The following APOO variants were observed in gnomAD, a reference collection of about 807,000 sequenced individuals.
The protein encoded by APOO is MICOS complex subunit MIC26.
In APOO, 11 loss-of-function variants were observed where a neutral mutation model predicts 23.1. The ratio of observed to expected loss-of-function variants is 0.48; its 90% CI spans 0.30 to 0.79. The LOEUF (loss-of-function observed/expected upper bound fraction) is 0.79. Ranked by LOEUF, APOO falls within the 30% of genes least tolerant of loss-of-function variation. The probability of loss-of-function intolerance (pLI) is 0.07; values close to 1 mark genes in which losing one functional copy is unlikely to be tolerated. For synonymous variants in APOO, 59 were observed against 54.8 expected (o/e 1.08, Z -0.34); for missense variants, 160 against 142.7 (o/e 1.12, Z -0.62).
Position 23,895,273 on chromosome X carries a change from T to C in APOO, c.9+12421A>G, listed in dbSNP as rs183100287. 6.8e-4 allele frequency among the ~76,000 whole-genome samples: 76 copies of C among 112,092 alleles called. No homozygotes were observed. The East Asian group carries it at 0.018, about 26-fold the overall frequency. Reference sequence around the variant, plus strand: ...AAGCAACCCAAATGCCCATCAGTGATAGACTGGATAAAGAAAATGTGGCAC... The same window carrying C: ...AAGCAACCCAAATGCCCATCAGTGACAGACTGGATAAAGAAAATGTGGCAC... On this transcript the variant is annotated intron_variant, in intron 1 of 8. Transcript: ENST00000379226.
At chrX:23,893,004 C>T (rs1926735944) in intron 1 of APOO, among the ~76,000 whole-genome samples, 1 of 106,445 alleles carries the variant, frequency 9.4e-6, no homozygotes, top group Non-Finnish European at 1.9e-5. Flanking sequence ...GTAACCAACA[C>T]AAAAAAAAGA....
chrX:23,837,459 G>C (rs1923748142), intron 8 of APOO: 1 of 423,733 alleles, frequency 2.4e-6, no homozygotes, highest in African/African-American at 2.5e-5. Context: ...AGGAGTTGAA[G>C]TCCAGCCTGG....
rs1601874509 is a variant in APOO at position 23,836,158 on chromosome X, T to G, written c.*30-2546A>C. 2.7e-5 allele frequency among the ~76,000 whole-genome samples: 3 copies of G among 112,037 alleles called. No homozygotes were observed. In the Middle Eastern group the frequency reaches 0.014, roughly 519 times the overall value. On this transcript the variant is annotated intron_variant, in intron 8 of 8. Coordinates refer to ENST00000379226, the MANE Select transcript of APOO (RefSeq NM_024122.5). The stretch of plus-strand genomic sequence containing the variant: ...ATTTCTTTCTTTCTTTGAGACGGAG[T>G]CTCTCTCTGTTGCCCAGGCTGGGAG...
intron 1 of APOO, among the ~76,000 whole-genome samples, chrX:23,892,337 C>G (rs909732660): frequency 3.5e-5 from 3 of 85,575 alleles, no homozygotes; most frequent in Non-Finnish European, 7.1e-5. Flanking sequence ...CTGCAACCTC[C>G]GCCGTCTCTC....
intron 6 of APOO, among the ~76,000 whole-genome samples, chrX:23,856,813 C>G (rs1005463673): frequency 8.8e-6 from 1 of 113,016 alleles, no homozygotes; most frequent in African/African-American, 3.2e-5. Flanking sequence ...CTCGGCCTTC[C>G]AAAGTGCTGG....
At chrX:23,837,958 CCTATCTAT>C (rs76055034) in intron 8 of APOO, among the ~76,000 whole-genome samples, 1,764 of 94,946 alleles carry the variant, frequency 0.019, 29 homozygotes, top group East Asian at 0.065. Context: ...CTGCACCCGG[CCTATCTAT>C]CTATCTATCT....
At chrX:23,842,210 G>A (rs924913437) in intron 7 of APOO, among the ~76,000 whole-genome samples, 9 of 111,217 alleles carry the variant, frequency 8.1e-5, no homozygotes, top group Non-Finnish European at 1.5e-4. Flanking sequence ...GCAACATGCT[G>A]AAATCCTGTC....
chrX:23,862,245 A>G (rs187243594), intron 5 of APOO, among the ~76,000 whole-genome samples: 26 of 111,474 alleles, frequency 2.3e-4, no homozygotes, highest in Admixed American at 2.0e-3. Flanking sequence ...CCTATTACTA[A>G]GTATCATCAA....
rs756121364 is a variant in APOO, at chrX:23,885,732, T to C, written c.10-4780A>G. ...TGTTTTCTTCTTCTTCCTCTTCTCC[T>C]ATTAGTTTTCCTCCCTAAGCCTACC... On this transcript the variant is annotated intron_variant, in intron 1 of 8. Coordinates refer to ENST00000379226, the MANE Select transcript of APOO (RefSeq NM_024122.5). Among the ~76,000 whole-genome samples the C allele has an allele frequency of 1.3e-3, 146 of 111,227 alleles. 2 individuals are homozygous for C. Among genetic ancestry groups the C allele is most frequent in the African/African-American group, 4.6e-3 (142 of 30,610 alleles).
chrX:23,859,171 C>T (rs1411339022), intron 5 of APOO, among the ~76,000 whole-genome samples: 2 of 111,694 alleles, frequency 1.8e-5, no homozygotes, highest in Non-Finnish European at 3.8e-5. Context: ...TGGTCCTAAA[C>T]TGAAAGAATG....
intron 1 of APOO, among the ~76,000 whole-genome samples, chrX:23,889,729 C>G (rs770348394): frequency 3.1e-4 from 29 of 93,223 alleles, no homozygotes; most frequent in African/African-American, 6.6e-4. Flanking sequence ...GTGGTGCGAT[C>G]TTGGCTCACT....
intron 1 of APOO, among the ~76,000 whole-genome samples, chrX:23,902,026 C>G (rs761568867): frequency 9.0e-6 from 1 of 111,731 alleles, no homozygotes; most frequent in African/African-American, 3.3e-5. Flanking sequence ...CCTTCTGATG[C>G]CCCCTGCTGT....
intron 6 of APOO, among the ~76,000 whole-genome samples, chrX:23,857,939 C>T (rs766662638): frequency 3.6e-5 from 4 of 111,558 alleles, no homozygotes; most frequent in African/African-American, 9.7e-5. Flanking sequence ...ACTGCTGGCC[C>T]TTACTCCCAG....
chrX:23,861,928 T>C (rs1169744545), intron 5 of APOO, among the ~76,000 whole-genome samples: 3 of 107,912 alleles, frequency 2.8e-5, no homozygotes, highest in Non-Finnish European at 5.8e-5. Flanking sequence ...CTCAGCCTCC[T>C]GAGTAGCTAG....
intron 7 of APOO, among the ~76,000 whole-genome samples, chrX:23,852,995 C>T (rs1235365939): frequency 6.4e-5 from 7 of 109,530 alleles, no homozygotes; most frequent in Admixed American, 2.0e-4. Flanking sequence ...TGGTGGCTCA[C>T]GCCTGTAATC....
At chrX:23,841,532 A>C (rs1163149632) in intron 7 of APOO, among the ~76,000 whole-genome samples, 2 of 108,430 alleles carry the variant, frequency 1.8e-5, no homozygotes, top group African/African-American at 6.7e-5. Context: ...TTTGATGATA[A>C]AGTATATGGT....
At chrX:23,879,955 C>T (rs1427674289) in intron 2 of APOO, among the ~76,000 whole-genome samples, 1 of 111,217 alleles carries the variant, frequency 9.0e-6, no homozygotes, top group Non-Finnish European at 1.9e-5. Flanking sequence ...GAAGGTAGAT[C>T]CTTACCTCAC....
intron 7 of APOO, among the ~76,000 whole-genome samples, chrX:23,846,579 C>T (rs1157444902): frequency 2.1e-5 from 2 of 97,431 alleles, no homozygotes; most frequent in African/African-American, 7.7e-5. Context: ...CGCGATCGCA[C>T]CACTGCACCA....
At chrX:23,898,409 C>T (rs1420545269) in intron 1 of APOO, among the ~76,000 whole-genome samples, 2 of 110,743 alleles carry the variant, frequency 1.8e-5, no homozygotes, top group Admixed American at 9.7e-5. Context: ...GGCCTAGACC[C>T]GGGTTTCATA....
Sources: allele counts gnomAD v4.1 joint callset (sites outside exome capture counted in the v4.1 genomes callset), GRCh38; gene constraint gnomAD v4.1.1; transcripts MANE v1.5; gene names NCBI Gene and HGNC (gene_info 2026-07-23, HGNC 2026-07-21).